The following SLC4A10 variants were observed in gnomAD, a reference collection of about 807,000 sequenced individuals.
The protein encoded by SLC4A10 is solute carrier family 4 member 10, also known as sodium-driven chloride bicarbonate exchanger.
Under a neutral mutation model 137.7 loss-of-function variants are expected in SLC4A10, and 42 were observed. The ratio of observed to expected loss-of-function variants is 0.30; its 90% CI spans 0.24 to 0.39. SLC4A10 has a LOEUF of 0.39. Among genes scored for constraint, SLC4A10 ranks in the 10% least tolerant of loss-of-function variants. The pLI is 1.00. For synonymous variants in SLC4A10, 474 were observed against 464.1 expected (o/e 1.02, Z -0.27); for missense variants, 925 against 1,355.0 (o/e 0.68, Z 4.98).
intron 4 of SLC4A10, among the ~76,000 whole-genome samples, chr2:161,851,430 C>T (rs748491192): frequency 6.6e-6 from 1 of 152,084 alleles, no homozygotes; most frequent in Non-Finnish European, 1.5e-5. Flanking sequence ...ATAGTTAAGT[C>T]TTCTTGTTTA....
At chr2:161,699,919 T>C (rs1225225116) in intron 1 of SLC4A10, among the ~76,000 whole-genome samples, 2 of 152,194 alleles carry the variant, frequency 1.3e-5, no homozygotes, top group Non-Finnish European at 2.9e-5. Flanking sequence ...ATCTAATTTT[T>C]CAACAAATGC....
intron 3 of SLC4A10, among the ~76,000 whole-genome samples, chr2:161,818,853 T>G (rs925078819): frequency 6.6e-6 from 1 of 152,220 alleles, no homozygotes; most frequent in South Asian, 2.1e-4. Context: ...GGATAAGTTT[T>G]TGATGTGTTG....
chr2:161,737,665 T>C (rs1357782002), intron 1 of SLC4A10, among the ~76,000 whole-genome samples: 3 of 152,346 alleles, frequency 2.0e-5, no homozygotes, highest in East Asian at 3.9e-4. Context: ...TGGAATGTTC[T>C]ACTGTAATTT....
intron 15 of SLC4A10, among the ~76,000 whole-genome samples, chr2:161,923,454 T>G (rs1489277280): frequency 6.6e-6 from 1 of 152,172 alleles, no homozygotes; most frequent in Non-Finnish European, 1.5e-5. Flanking sequence ...TCTATTTACT[T>G]ATGTCAGGGC....
intron 1 of SLC4A10, among the ~76,000 whole-genome samples, chr2:161,660,588 C>CTTTCT (rs1553479846): frequency 1.4e-3 from 172 of 121,044 alleles, no homozygotes; most frequent in Non-Finnish European, 2.8e-3. Context: ...TTCTTTCTTT[C>CTTTCT]TTTCTTTCTT....
chr2:161,902,463 G>T (rs986849041), intron 12 of SLC4A10, among the ~76,000 whole-genome samples: 4 of 152,008 alleles, frequency 2.6e-5, no homozygotes, highest in Admixed American at 2.6e-4. Flanking sequence ...ATTCAGAAAT[G>T]ATCCCTAAAA....
chr2:161,860,037 T>C (rs1490980726), intron 5 of SLC4A10, among the ~76,000 whole-genome samples: 1 of 152,240 alleles, frequency 6.6e-6, no homozygotes, highest in Non-Finnish European at 1.5e-5. Context: ...AATACTAATA[T>C]GTATTGTAGT....
chr2:161,753,195 C>T (rs1406791261), intron 1 of SLC4A10, among the ~76,000 whole-genome samples: 1 of 152,040 alleles, frequency 6.6e-6, no homozygotes, highest in Non-Finnish European at 1.5e-5. Context: ...ATTTATTATG[C>T]AGATATACTC....
rs1282995356 is a variant in SLC4A10 at position 161,708,751 on chromosome 2, G to T, written c.49-62222G>T. On this transcript the variant is annotated intron_variant, in intron 1 of 26. Coordinates refer to ENST00000446997, the MANE Select transcript of SLC4A10 (RefSeq NM_001178015.2). ...GATTATCTTTTGTAAGACAGGAAAT[G>T]CAGTCTTTAGGGGTTTCTGGAAATA... The T allele has an allele frequency of 2.0e-6, 3 of 1,531,334 alleles. No individual in the cohort carries two copies. In the African/African-American group the frequency reaches 4.1e-5, roughly 21 times the overall value. 94.9% of individuals were successfully genotyped at this position (1,531,334 alleles called of 1,614,324 possible).
At chr2:161,941,213 C>G (rs561022230) in intron 15 of SLC4A10, among the ~76,000 whole-genome samples, 1 of 152,066 alleles carries the variant, frequency 6.6e-6, no homozygotes, top group Non-Finnish European at 1.5e-5. Flanking sequence ...AATCATTCCA[C>G]GTTTAAAATT....
chr2:161,967,636 A>T (rs1048454182), intron 23 of SLC4A10, among the ~76,000 whole-genome samples: 26 of 152,168 alleles, frequency 1.7e-4, no homozygotes, highest in African/African-American at 6.0e-4. Flanking sequence ...AAATTTGGTA[A>T]TTCAATATCT....
At chr2:161,892,304 C>T (rs2063002826) in intron 10 of SLC4A10, among the ~76,000 whole-genome samples, 1 of 151,976 alleles carries the variant, frequency 6.6e-6, no homozygotes, top group South Asian at 2.1e-4. Context: ...GGTTGCTAAA[C>T]TCTCATTGAG....
intron 1 of SLC4A10, among the ~76,000 whole-genome samples, chr2:161,745,628 T>G (rs2048314583): frequency 6.6e-6 from 1 of 152,146 alleles, no homozygotes; most frequent in South Asian, 2.1e-4. Context: ...CTTGGGATAT[T>G]TATTGATGTC....
intron 14 of SLC4A10, 21 bp downstream of exon 14, chr2:161,904,930 G>A (rs993869232): frequency 3.7e-6 from 6 of 1,612,618 alleles, no homozygotes; most frequent in Non-Finnish European, 5.1e-6. Context: ...TGTACTTTTT[G>A]GCCCTTAGCC....
intron 23 of SLC4A10, 110 bp from the exon 24 acceptor site, chr2:161,974,139 G>A: frequency 1.2e-6 from 1 of 800,596 alleles, no homozygotes; most frequent in South Asian, 2.2e-5. Context: ...CAAACAGAGT[G>A]GAAGGTCTTG....
At chr2:161,920,066 T>A (rs1474070327) in intron 15 of SLC4A10, among the ~76,000 whole-genome samples, 2 of 152,220 alleles carry the variant, frequency 1.3e-5, no homozygotes, top group South Asian at 4.1e-4. Flanking sequence ...CCAGCATGCC[T>A]GACTGTGCAC....
At chr2:161,627,654 C>A (rs2032692906) in intron 1 of SLC4A10, among the ~76,000 whole-genome samples, 2 of 152,040 alleles carry the variant, frequency 1.3e-5, no homozygotes, top group Non-Finnish European at 2.9e-5. Context: ...TCTTAGGAAG[C>A]TTCAGTGATA....
At chr2:161,960,907 T>G (rs1207890060) in intron 21 of SLC4A10, among the ~76,000 whole-genome samples, 1 of 152,134 alleles carries the variant, frequency 6.6e-6, no homozygotes, top group African/African-American at 2.4e-5. Flanking sequence ...AAGAATATAT[T>G]TCTATTGATT....
At chr2:161,925,087 A>G (rs1305158236) in intron 15 of SLC4A10, among the ~76,000 whole-genome samples, 1 of 151,992 alleles carries the variant, frequency 6.6e-6, no homozygotes, top group Non-Finnish European at 1.5e-5. Flanking sequence ...GAGTCATCTC[A>G]CTCTTCTGGC....
Sources: gnomAD v4.1 joint callset for allele counts (sites outside exome capture counted in the v4.1 genomes callset) on GRCh38, gnomAD v4.1.1 for gene constraint, MANE v1.5 for transcripts, NCBI Gene and HGNC (gene_info 2026-07-23, HGNC 2026-07-21) for gene names.